CCDC60: variants seen among roughly 807,000 people sequenced by gnomAD.
The protein encoded by CCDC60 is coiled-coil domain-containing protein 60.
CCDC60 carries 54 observed loss-of-function variants against 63.5 expected under a neutral mutation model. That is an observed-to-expected ratio of 0.85 (90% confidence interval 0.68 to 1.07). CCDC60 has a LOEUF of 1.07. Among genes scored for constraint, CCDC60 ranks in the 50% least tolerant of loss-of-function variants. The pLI is 0.00. For synonymous variants in CCDC60, 206 were observed against 238.8 expected, an observed-to-expected ratio of 0.86 and a Z score of 1.27; for missense variants, 651 against 684.3, an observed-to-expected ratio of 0.95 and a Z score of 0.54.
intron 6 of CCDC60, among the ~76,000 whole-genome samples, chr12:119,504,771 G>A (rs562912979): frequency 2.0e-5 from 3 of 152,290 alleles, no homozygotes; most frequent in Admixed American, 2.0e-4. Context: ...TGGAAAACAC[G>A]TTTGGCTTCC....
chr12:119,376,456 C>T (rs1955951829), intron 1 of CCDC60, among the ~76,000 whole-genome samples: 2 of 151,996 alleles, frequency 1.3e-5, no homozygotes, highest in African/African-American at 2.4e-5. Flanking sequence ...GGTGAAACCC[C>T]GTCTCTACAA....
rs1230394200 is a variant in CCDC60 at position 119,419,218 on chromosome 12, T to A, written c.91-9465T>A. 6.1e-4 allele frequency among the ~76,000 whole-genome samples: 93 copies of A among 152,352 alleles called. 1 individual carries two copies. Among genetic ancestry groups the A allele is most frequent in the Non-Finnish European group, 1.5e-5 (1 of 68,022 alleles). On this transcript the variant is annotated intron_variant, in intron 1 of 13. Coordinates refer to ENST00000327554, the MANE Select transcript of CCDC60 (RefSeq NM_178499.5). Reference sequence around the variant, plus strand: ...CATGGGCTTACCCGCAATGAGCATTTTGTAGTCCTTTCTCCGTGTCTGCTT... The same window carrying A: ...CATGGGCTTACCCGCAATGAGCATTATGTAGTCCTTTCTCCGTGTCTGCTT...
intron 2 of CCDC60, among the ~76,000 whole-genome samples, chr12:119,469,342 C>T (rs1469466076): frequency 6.6e-6 from 1 of 152,140 alleles, no homozygotes; most frequent in African/African-American, 2.4e-5. Context: ...CGCCTCCTTG[C>T]AAACTCCGCC....
intron 1 of CCDC60, among the ~76,000 whole-genome samples, chr12:119,419,914 C>T (rs1219585363): frequency 5.7e-5 from 8 of 140,940 alleles, no homozygotes; most frequent in South Asian, 2.3e-4. Context: ...CTCGCTCTGT[C>T]GCCCCAGGCT....
chr12:119,484,970 G>A (rs1470395594), intron 4 of CCDC60, among the ~76,000 whole-genome samples: 1 of 152,184 alleles, frequency 6.6e-6, no homozygotes, highest in Non-Finnish European at 1.5e-5. Context: ...TAGGGATGGG[G>A]ATGCTTTAGA....
intron 1 of CCDC60, among the ~76,000 whole-genome samples, chr12:119,409,995 C>A (rs2136194891): frequency 6.6e-6 from 1 of 152,306 alleles, no homozygotes; most frequent in East Asian, 1.9e-4. Flanking sequence ...TTAGCCACCA[C>A]TCTTGTTCCC....
At chr12:119,488,308 CTT>C (rs1343095225) in intron 4 of CCDC60, among the ~76,000 whole-genome samples, 1 of 152,112 alleles carries the variant, frequency 6.6e-6, no homozygotes, top group African/African-American at 2.4e-5. Context: ...TTTACACACT[CTT>C]AGTTTATTTA....
At chr12:119,335,712 T>C (rs1955463789) in intron 1 of CCDC60, among the ~76,000 whole-genome samples, 1 of 152,192 alleles carries the variant, frequency 6.6e-6, no homozygotes, top group Non-Finnish European at 1.5e-5. Context: ...TTTTGTCAGA[T>C]AAGTATGTTG....
intron 1 of CCDC60, among the ~76,000 whole-genome samples, chr12:119,405,987 CAT>C (rs1052208638): frequency 1.3e-5 from 2 of 152,124 alleles, no homozygotes; most frequent in African/African-American, 4.8e-5. Flanking sequence ...GCCTGACCAA[CAT>C]AGAGAAACTC....
At chr12:119,440,580 T>C (rs1950424052) in intron 2 of CCDC60, among the ~76,000 whole-genome samples, 1 of 151,932 alleles carries the variant, frequency 6.6e-6, no homozygotes, top group Admixed American at 6.6e-5. Flanking sequence ...GAATATAAAA[T>C]CCATTGACAT....
intron 13 of CCDC60, 23 bp downstream of exon 13, chr12:119,531,086 CCA>C: frequency 6.2e-7 from 1 of 1,604,346 alleles, no homozygotes; most frequent in Non-Finnish European, 8.5e-7. Context: ...TCCTTCCCCT[CCA>C]CAGTGTTTCA....
At chr12:119,536,294 G>A (rs1422686988) in intron 13 of CCDC60, among the ~76,000 whole-genome samples, 2 of 151,876 alleles carry the variant, frequency 1.3e-5, no homozygotes, top group East Asian at 1.9e-4. Context: ...CCTTTATTTT[G>A]AGCCTATGTG....
intron 1 of CCDC60, among the ~76,000 whole-genome samples, chr12:119,399,107 T>G (rs1021727025): frequency 6.6e-6 from 1 of 152,044 alleles, no homozygotes; most frequent in African/African-American, 2.4e-5. Context: ...AAAAAAAATA[T>G]AGGATGAAGG....
rs141995728 is a variant in CCDC60 at position 119,488,634 on chromosome 12, C to T, written c.450-125C>T. ...AGATGATACATGCAAAATACTTGCG[C>T]ATGCCTGGAGCATGGTGCCTGCTCC... is the stretch of plus-strand genomic sequence containing the variant. On this transcript the variant is annotated intron_variant, in intron 4 of 13. Transcript: ENST00000327554. The T allele has an allele frequency of 4.0e-4, 298 of 738,820 alleles. 1 individual carries two copies. The East Asian group carries it at 7.8e-3, about 19-fold the overall frequency. The allele number at this position is 738,820 out of a possible 1,614,324, so 45.8% of individuals were successfully genotyped here.
intron 2 of CCDC60, among the ~76,000 whole-genome samples, chr12:119,453,456 C>A (rs1476277824): frequency 6.6e-6 from 1 of 152,230 alleles, no homozygotes; most frequent in East Asian, 1.9e-4. Context: ...AATTCCTGGG[C>A]CCCTTAGCTT....
chr12:119,508,749 T>TACA, intron 7 of CCDC60, among the ~76,000 whole-genome samples: 2 of 152,208 alleles, frequency 1.3e-5, no homozygotes, highest in Non-Finnish European at 2.9e-5. Context: ...AGGAAGTATC[T>TACA]GGAAAGTTTT....
Position 119,344,836 on chromosome 12 carries a change from TTCTC to T in CCDC60, c.90+9587_90+9590del, listed in dbSNP as rs796680771. ...GAACATTCTCTCTCTCTCTCTCTCT[TTCTC>T]TCTCTCTCTCTCTCTCACACACACA... On this transcript the variant is annotated intron_variant, in intron 1 of 13. Coordinates refer to ENST00000327554, the MANE Select transcript of CCDC60 (RefSeq NM_178499.5). 2.5e-4 allele frequency among the ~76,000 whole-genome samples: 27 copies of T among 107,866 alleles called. 1 individual carries two copies. Among genetic ancestry groups the T allele is most frequent in the Admixed American group, 1.3e-3 (14 of 10,700 alleles). 70.8% of individuals were successfully genotyped at this position (107,866 alleles called of 152,430 possible).
intron 1 of CCDC60, among the ~76,000 whole-genome samples, chr12:119,346,393 A>G (rs142090984): frequency 2.6e-5 from 4 of 152,230 alleles, no homozygotes; most frequent in Non-Finnish European, 5.9e-5. Context: ...AAGTTTTGCA[A>G]CCTGTCCAGA....
rs182746691 is a variant in CCDC60, at chr12:119,389,503, G to A, written c.91-39180G>A. Among the ~76,000 whole-genome samples, 204 of 152,174 alleles carry A rather than the reference G, an allele frequency of 1.3e-3. 1 individual carries two copies. Among genetic ancestry groups the A allele is most frequent in the African/African-American group, 4.8e-3 (198 of 41,540 alleles). On this transcript the variant is annotated intron_variant, in intron 1 of 13. Coordinates refer to ENST00000327554, the MANE Select transcript of CCDC60 (RefSeq NM_178499.5). ...TGGTGCCAGCAGGGTTGAGCCCCAAGTTGCCCACGGTGGTCACCTGCTTGC... is the reference window on the plus strand; with the variant it reads ...TGGTGCCAGCAGGGTTGAGCCCCAAATTGCCCACGGTGGTCACCTGCTTGC...
Sources: allele counts gnomAD v4.1 joint callset (sites outside exome capture counted in the v4.1 genomes callset), GRCh38; gene constraint gnomAD v4.1.1; transcripts MANE v1.5; gene names NCBI Gene and HGNC (gene_info 2026-07-23, HGNC 2026-07-21).